The following RYR3 variants were observed in gnomAD, a reference collection of about 807,000 sequenced individuals.
RYR3 encodes the protein ryanodine receptor 3, also known as brain ryanodine receptor-calcium release channel.
A neutral mutation model predicts 584.3 loss-of-function variants in RYR3; 207 were observed. The observed-to-expected ratio is 0.35, with a 90% CI of 0.32 to 0.40. RYR3 has a LOEUF of 0.40. Among genes scored for constraint, RYR3 ranks in the 10% least tolerant of loss-of-function variants. The probability of loss-of-function intolerance (pLI) is 1.00; values close to 1 mark genes in which losing one functional copy is unlikely to be tolerated. For missense variants in RYR3, 5,616 were observed against 6,089.2 expected, an observed-to-expected ratio of 0.92 and a Z score of 2.59; for synonymous variants, 2,416 against 2,248.5, an observed-to-expected ratio of 1.07 and a Z score of -2.11.
At chr15:33,685,343 C>A (rs918312958) in intron 38 of RYR3, among the ~76,000 whole-genome samples, 15 of 152,068 alleles carry the variant, frequency 9.9e-5, no homozygotes, top group Non-Finnish European at 1.8e-4. Flanking sequence ...TCAAAAGAGA[C>A]AAAGAAGGCC....
intron 33 of RYR3, 60 bp downstream of exon 33, chr15:33,659,866 G>C: frequency 8.5e-7 from 1 of 1,181,766 alleles, no homozygotes; most frequent in East Asian, 2.4e-5. Flanking sequence ...TAACCATTAG[G>C]GGGAAAATCC....
At chr15:33,677,294 C>G (rs2064248206) in intron 38 of RYR3, among the ~76,000 whole-genome samples, 1 of 152,136 alleles carries the variant, frequency 6.6e-6, no homozygotes, top group Non-Finnish European at 1.5e-5. Flanking sequence ...CTCATAATCA[C>G]TTATTCTCTA....
At chr15:33,827,316 C>A (rs1379732828) in intron 85 of RYR3, 29 bp downstream of exon 85, 5 of 1,534,558 alleles carry the variant, frequency 3.3e-6, no homozygotes, top group Non-Finnish European at 4.4e-6. Context: ...GACAATGGGA[C>A]CTCTCACCTT....
intron 75 of RYR3, 77 bp from the exon 76 acceptor site, chr15:33,818,501 T>C: frequency 9.5e-7 from 1 of 1,056,476 alleles, no homozygotes; most frequent in South Asian, 1.4e-5. Flanking sequence ...GCGCTTTACC[T>C]TCTCTTTGTT....
At chr15:33,488,146 A>G (rs565888423) in intron 2 of RYR3, among the ~76,000 whole-genome samples, 13 of 152,292 alleles carry the variant, frequency 8.5e-5, no homozygotes, top group African/African-American at 3.1e-4. Flanking sequence ...TATCTGCTTG[A>G]GGCAATACCA....
chr15:33,797,849 G>C (rs1238809876), intron 67 of RYR3, among the ~76,000 whole-genome samples: 2 of 152,214 alleles, frequency 1.3e-5, no homozygotes, highest in African/African-American at 2.4e-5. Flanking sequence ...ACAGCTGGTA[G>C]TTGTGATAAA....
intron 86 of RYR3, among the ~76,000 whole-genome samples, chr15:33,831,801 C>A (rs935653269): frequency 6.6e-6 from 1 of 151,888 alleles, no homozygotes; most frequent in African/African-American, 2.4e-5. Flanking sequence ...TTTTTTAAAG[C>A]AAAAGTAATA....
At chr15:33,446,641 T>A (rs568558552) in intron 1 of RYR3, among the ~76,000 whole-genome samples, 1 of 152,342 alleles carries the variant, frequency 6.6e-6, no homozygotes, top group East Asian at 1.9e-4. Context: ...ATGACCTGAT[T>A]TTACCTTAAT....
At position 33,801,944 on chromosome 15, in the gene RYR3, A is replaced by G. The variant is rs756144043; in HGVS notation, c.9994A>G (p.Lys3332Glu). The part of the protein sequence containing the change: ...NNLAFLTGDS[K>E]SKMSKAMQVK... ...TTTGGCATTTTTAACTGGAGACAGC[A>G]AAAGCAAGATGTCAAAAGTAAGTCC... is the stretch of plus-strand genomic sequence containing the variant. The change falls in exon 69 of 104, where the codon AAA becomes GAA. Residue 3332 changes from lysine to glutamate, a missense_variant. Around this residue, in one of 9 missense-constraint regions of RYR3, gnomAD observed 954 missense variants for 1,132.2 expected, o/e 0.84. Coordinates refer to ENST00000634891, the MANE Select transcript of RYR3 (RefSeq NM_001036.6). 6.3e-7 allele frequency: 1 copy of G among 1,592,420 alleles called. No homozygotes were observed. The highest frequency in any genetic ancestry group is 2.2e-5 in the East Asian group (1 of 44,618).
chr15:33,725,968 C>CG lies in RYR3; in HGVS notation c.6913-418_6913-417insG, dbSNP rs1264547706. Among the ~76,000 whole-genome samples, 12 of 27,668 alleles carry CG rather than the reference C, an allele frequency of 4.3e-4. No homozygotes were observed. In the South Asian group the frequency reaches 0.023, roughly 53 times the overall value. 18.2% of individuals were successfully genotyped at this position (27,668 alleles called of 152,430 possible). A position where few individuals can be genotyped will look rare whatever the true frequency, so the allele number is the denominator to read the frequency against. On this transcript the variant is annotated intron_variant, in intron 45 of 103. Transcript: ENST00000634891. ...CTGGGTGACAGAGCAAGACTCCATC[C>CG]CCCCCCCCAAAAAAAAAAAAAAAAA...
At chr15:33,740,188 T>C (rs59538569) in intron 51 of RYR3, among the ~76,000 whole-genome samples, 193 bp downstream of exon 51, 30,061 of 152,002 alleles carry the variant, frequency 0.2, 3,121 homozygotes, top group African/African-American at 0.27. Context: ...ATATTCTGGG[T>C]TTTTGGTGGG....
intron 20 of RYR3, among the ~76,000 whole-genome samples, chr15:33,624,603 G>A (rs1319880620): frequency 1.3e-5 from 2 of 152,212 alleles, no homozygotes; most frequent in African/African-American, 4.8e-5. Flanking sequence ...GGAGGAGCAA[G>A]TAGGAGAAGA....
intron 16 of RYR3, among the ~76,000 whole-genome samples, chr15:33,588,739 TTATAGCTTCC>T (rs1376462997): frequency 6.6e-6 from 1 of 152,218 alleles, no homozygotes; most frequent in Non-Finnish European, 1.5e-5. Flanking sequence ...TCACTTAAAA[TTATAGCTTCC>T]AGTTCCATCT....
chr15:33,751,084 A>G (rs2071253879), intron 57 of RYR3, among the ~76,000 whole-genome samples: 1 of 152,156 alleles, frequency 6.6e-6, no homozygotes, highest in African/African-American at 2.4e-5. Flanking sequence ...TTATGGCTGC[A>G]TAGTATTCCA....
intron 2 of RYR3, among the ~76,000 whole-genome samples, chr15:33,475,047 GT>G (rs750196278): frequency 6.6e-6 from 1 of 151,838 alleles, no homozygotes; most frequent in East Asian, 1.9e-4. Context: ...AGGTTTTTTT[GT>G]TTTTTTGTTT....
intron 18 of RYR3, among the ~76,000 whole-genome samples, chr15:33,612,298 C>T (rs2060234272): frequency 6.6e-6 from 1 of 152,142 alleles, no homozygotes; most frequent in Non-Finnish European, 1.5e-5. Context: ...AATGTGTTTT[C>T]CTGCTTATCC....
At chr15:33,596,991 A>G (rs1352492863) in intron 16 of RYR3, among the ~76,000 whole-genome samples, 1 of 152,196 alleles carries the variant, frequency 6.6e-6, no homozygotes, top group African/African-American at 2.4e-5. Flanking sequence ...TTCTTTCCCA[A>G]AACAAACCTC....
chr15:33,653,513 G>A (rs1405327825), intron 32 of RYR3, among the ~76,000 whole-genome samples: 1 of 151,906 alleles, frequency 6.6e-6, no homozygotes, highest in Admixed American at 6.6e-5. Flanking sequence ...TATTAAAAAT[G>A]CAAAAAATTA....
At chr15:33,749,895 G>T in intron 55 of RYR3, 84 bp from the exon 56 acceptor site, 1 of 1,180,910 alleles carries the variant, frequency 8.5e-7, no homozygotes, top group East Asian at 2.5e-5. Flanking sequence ...CTTTTCCCGA[G>T]GCTGCCTGAA....
Sources: allele counts gnomAD v4.1 joint callset (sites outside exome capture counted in the v4.1 genomes callset), GRCh38; gene constraint gnomAD v4.1.1; regional missense constraint gnomAD v4.1.1; transcripts MANE v1.5; gene names NCBI Gene and HGNC (gene_info 2026-07-23, HGNC 2026-07-21).